Variants in CDH18 observed in about 807,000 individuals in gnomAD.
CDH18 encodes the protein cadherin 18, also known as cadherin-18.
CDH18 carries 31 observed loss-of-function variants against 67.9 expected under a neutral mutation model. The ratio of observed to expected loss-of-function variants is 0.46; its 90% CI spans 0.34 to 0.62. CDH18 has a LOEUF of 0.62. Among genes scored for constraint, CDH18 ranks in the 20% least tolerant of loss-of-function variants. The pLI, the probability that CDH18 is intolerant of heterozygous loss-of-function variation, is 0.01. For synonymous variants in CDH18, 362 were observed against 347.2 expected (o/e 1.04, Z -0.48); for missense variants, 890 against 975.5 (o/e 0.91, Z 1.17).
chr5:20,288,639 C>T lies in CDH18; in HGVS notation c.-579-33134G>A, dbSNP rs996313824. Among the ~76,000 whole-genome samples, 10 of 151,610 alleles carry T rather than the reference C, an allele frequency of 6.6e-5. No individual in the cohort carries two copies. In the East Asian group the frequency reaches 9.7e-4, roughly 15 times the overall value. ...AATAAAGAACAAACCATCAAACCAACGAAGAGTGATAAGAAGAGGAAACAT... is the reference window on the plus strand; with the variant it reads ...AATAAAGAACAAACCATCAAACCAATGAAGAGTGATAAGAAGAGGAAACAT... On this transcript the variant is annotated intron_variant, in intron 1 of 14. Transcript: ENST00000507958.
At chr5:19,783,283 A>C (rs1775339142) in intron 3 of CDH18, among the ~76,000 whole-genome samples, 1 of 152,154 alleles carries the variant, frequency 6.6e-6, no homozygotes, top group Non-Finnish European at 1.5e-5. Context: ...AATATTAATA[A>C]GGTACAATTA....
intron 3 of CDH18, among the ~76,000 whole-genome samples, chr5:19,781,495 T>C (rs879748495): frequency 6.6e-6 from 1 of 152,134 alleles, no homozygotes; most frequent in African/African-American, 2.4e-5. Context: ...GTAAGCAGTA[T>C]TGAAATTTCC....
intron 6 of CDH18, among the ~76,000 whole-genome samples, chr5:19,595,446 A>T (rs1746022216): frequency 6.6e-6 from 1 of 152,186 alleles, no homozygotes; most frequent in Admixed American, 6.5e-5. Context: ...CAACATGGTG[A>T]AATCCCATCC....
intron 2 of CDH18, among the ~76,000 whole-genome samples, chr5:19,963,171 C>T (rs544771242): frequency 6.6e-6 from 1 of 152,210 alleles, no homozygotes; most frequent in Middle Eastern, 3.4e-3. Flanking sequence ...CACACAATTC[C>T]TTACATACCG....
intron 3 of CDH18, among the ~76,000 whole-genome samples, chr5:19,815,640 T>C (rs1355099208): frequency 6.6e-6 from 1 of 151,922 alleles, no homozygotes; most frequent in Non-Finnish European, 1.5e-5. Context: ...ATGAGAGACG[T>C]ATTTTATGCC....
intron 1 of CDH18, among the ~76,000 whole-genome samples, chr5:20,546,365 C>T (rs1651447): frequency 6.6e-6 from 1 of 151,710 alleles, no homozygotes; most frequent in African/African-American, 2.4e-5. Flanking sequence ...TCTGCCAGTA[C>T]CAATTCTCTA....
chr5:20,082,728 A>G (rs981688348), intron 2 of CDH18, among the ~76,000 whole-genome samples: 14 of 152,344 alleles, frequency 9.2e-5, no homozygotes, highest in Admixed American at 8.5e-4. Context: ...AAACCAATAT[A>G]TCTGGATTCC....
chr5:19,655,696 C>A (rs1561551153), intron 5 of CDH18, among the ~76,000 whole-genome samples: 1 of 152,068 alleles, frequency 6.6e-6, no homozygotes, highest in East Asian at 1.9e-4. Context: ...AAGTTTTCCT[C>A]CTGAATATTT....
chr5:20,449,264 G>C (rs539081619), intron 1 of CDH18, among the ~76,000 whole-genome samples: 24 of 151,996 alleles, frequency 1.6e-4, no homozygotes, highest in Non-Finnish European at 2.8e-4. Flanking sequence ...TTTTAAATTG[G>C]AAAGAAGTTA....
chr5:20,019,502 A>G (rs1185523712), intron 2 of CDH18, among the ~76,000 whole-genome samples: 1 of 152,144 alleles, frequency 6.6e-6, no homozygotes, highest in South Asian at 2.1e-4. Context: ...TGCTGGTCTC[A>G]TAATAATGAG....
At chr5:20,533,967 G>A (rs1438969021) in intron 1 of CDH18, among the ~76,000 whole-genome samples, 1 of 151,538 alleles carries the variant, frequency 6.6e-6, no homozygotes, top group East Asian at 1.9e-4. Flanking sequence ...AAGCTTTTGG[G>A]GTCCTAAGTA....
At chr5:19,705,981 T>C (rs1388367222) in intron 5 of CDH18, among the ~76,000 whole-genome samples, 4 of 152,196 alleles carry the variant, frequency 2.6e-5, no homozygotes. Context: ...GGTCTAGTAA[T>C]GGTAAAGCTT....
At chr5:19,704,140 T>C (rs541747583) in intron 5 of CDH18, among the ~76,000 whole-genome samples, 22 of 152,294 alleles carry the variant, frequency 1.4e-4, no homozygotes, top group African/African-American at 5.3e-4. Context: ...AAGCAGCTTA[T>C]TGGGTGAATC....
intron 1 of CDH18, among the ~76,000 whole-genome samples, chr5:20,413,506 A>T (rs1746979373): frequency 6.6e-6 from 1 of 152,102 alleles, no homozygotes; most frequent in Non-Finnish European, 1.5e-5. Flanking sequence ...TAGCCCTTCC[A>T]ACTGGTGTGG....
At chr5:19,585,287 G>C (rs890463685) in intron 7 of CDH18, among the ~76,000 whole-genome samples, 7 of 152,146 alleles carry the variant, frequency 4.6e-5, no homozygotes, top group African/African-American at 1.7e-4. Context: ...ACAACTGATA[G>C]TCATACTTCA....
rs148969910 is a variant in CDH18, at chr5:19,647,048, T to A, written c.644-34447A>T. Among the ~76,000 whole-genome samples the A allele has an allele frequency of 8.5e-3, 1,299 of 152,242 alleles. 12 individuals carry two copies. The highest frequency in any genetic ancestry group is 0.014 in the Middle Eastern group (4 of 294). On this transcript the variant is annotated intron_variant, in intron 5 of 12. Transcript: ENST00000382275. ...TAAATTGCAAAGTTAATCATAGATTTTAGCATATTTAAAACTCACCAGTCT... is the reference window on the plus strand; with the variant it reads ...TAAATTGCAAAGTTAATCATAGATTATAGCATATTTAAAACTCACCAGTCT...
At chr5:19,859,952 GTTTC>G (rs751643781) in intron 2 of CDH18, among the ~76,000 whole-genome samples, 2 of 147,536 alleles carry the variant, frequency 1.4e-5, no homozygotes, top group African/African-American at 5.0e-5. Flanking sequence ...ACCTCCTAAG[GTTTC>G]TTTCTGTCTT....
At chr5:20,026,688 G>A (rs1738927254) in intron 2 of CDH18, among the ~76,000 whole-genome samples, 1 of 152,164 alleles carries the variant, frequency 6.6e-6, no homozygotes, top group Non-Finnish European at 1.5e-5. Flanking sequence ...AGGAAGATTT[G>A]ATTTAAAAAA....
intron 1 of CDH18, among the ~76,000 whole-genome samples, chr5:20,422,009 T>C (rs1026193720): frequency 1.3e-5 from 2 of 150,906 alleles, no homozygotes; most frequent in Admixed American, 6.6e-5. Context: ...CGTGGACAAG[T>C]TAATTAGGGA....
Sources: allele counts gnomAD v4.1 joint callset (sites outside exome capture counted in the v4.1 genomes callset), GRCh38; gene constraint gnomAD v4.1.1; transcripts MANE v1.5; gene names NCBI Gene and HGNC (gene_info 2026-07-23, HGNC 2026-07-21).